The following SATL1 variants were observed in gnomAD, a reference collection of about 807,000 sequenced individuals.
The protein encoded by SATL1 is spermidine/spermine N1-acetyl transferase like 1, also known as spermidine/spermine N(1)-acetyltransferase-like protein 1.
In SATL1, 47 loss-of-function variants were observed where a neutral mutation model predicts 51.8. The observed-to-expected ratio is 0.91, with a 90% confidence interval of 0.72 to 1.16. The LOEUF (loss-of-function observed/expected upper bound fraction) is 1.16. Ranked by LOEUF, SATL1 falls within the 50% of genes most tolerant of loss-of-function variation. The pLI, the probability that SATL1 is intolerant of heterozygous loss-of-function variation, is 0.00. For synonymous variants in SATL1, 176 were observed against 182.4 expected (o/e 0.97, Z 0.28); for missense variants, 520 against 526.4 (o/e 0.99, Z 0.12).
Position 85,235,630 on chromosome X carries a change from T to C in SATL1, c.-435+7958A>G, listed in dbSNP as rs913012021. Among the ~76,000 whole-genome samples, 4 of 111,025 alleles carry C rather than the reference T, an allele frequency of 3.6e-5. No homozygotes were observed. In the Admixed American group the frequency reaches 3.8e-4, roughly 11 times the overall value. The stretch of plus-strand genomic sequence containing the variant: ...ATGAAGAAGGAAACTGAAAAATTTA[T>C]TGAAACAAATGAAAATGGAAACACG... On this transcript the variant is annotated intron_variant, in intron 1 of 7. Transcript: ENST00000644105.
At chrX:85,208,071 G>C (rs970497574) in intron 2 of SATL1, among the ~76,000 whole-genome samples, 3 of 109,078 alleles carry the variant, frequency 2.8e-5, no homozygotes, top group African/African-American at 1.0e-4. Flanking sequence ...CCCCCTAACA[G>C]GCCCCAGTGT....
chrX:85,190,454 T>C (rs952040513), intron 2 of SATL1, among the ~76,000 whole-genome samples: 3 of 111,614 alleles, frequency 2.7e-5, no homozygotes, highest in African/African-American at 9.8e-5. Context: ...TTCCCACTAA[T>C]AGGCAAAATA....
At chrX:85,146,081 A>C (rs2147716888) in intron 2 of SATL1, among the ~76,000 whole-genome samples, 1 of 110,192 alleles carries the variant, frequency 9.1e-6, no homozygotes, top group African/African-American at 3.3e-5. Context: ...TACTTTTAGT[A>C]GAGATGGGGT....
chrX:85,121,970 C>T (rs1358919409), intron 2 of SATL1, among the ~76,000 whole-genome samples: 3 of 108,209 alleles, frequency 2.8e-5, no homozygotes, highest in Non-Finnish European at 3.8e-5. Context: ...TCGTGTTGTA[C>T]ACCATAGATA....
At chrX:85,221,163 T>C (rs1602923352) in intron 2 of SATL1, among the ~76,000 whole-genome samples, 1 of 111,868 alleles carries the variant, frequency 8.9e-6, no homozygotes, top group African/African-American at 3.2e-5. Flanking sequence ...CACAAGGCAC[T>C]CTAAGACCCC....
At chrX:85,162,633 T>C (rs1475400331) in intron 2 of SATL1, among the ~76,000 whole-genome samples, 2 of 111,434 alleles carry the variant, frequency 1.8e-5, no homozygotes, top group Non-Finnish European at 3.8e-5. Flanking sequence ...TCATTGGGAA[T>C]GCTTTCAATT....
chrX:85,103,418 C>A (rs937937978), intron 4 of SATL1, among the ~76,000 whole-genome samples: 1 of 111,977 alleles, frequency 8.9e-6, no homozygotes, highest in Non-Finnish European at 1.9e-5. Context: ...CATCAATAAT[C>A]TTTTCATCTT....
chrX:85,144,927 C>T (rs1926194270), intron 2 of SATL1, among the ~76,000 whole-genome samples: 1 of 110,463 alleles, frequency 9.1e-6, no homozygotes, highest in African/African-American at 3.3e-5. Flanking sequence ...ATCCCAGGTA[C>T]TTGGGGGGCT....
intron 2 of SATL1, among the ~76,000 whole-genome samples, chrX:85,168,343 T>C (rs756235941): frequency 8.1e-5 from 9 of 111,722 alleles, no homozygotes; most frequent in Admixed American, 4.8e-4. Flanking sequence ...AAACTATCCC[T>C]GTTTGCACAC....
intron 1 of SATL1, among the ~76,000 whole-genome samples, chrX:85,225,866 C>T (rs1178937950): frequency 9.0e-6 from 1 of 111,173 alleles, no homozygotes; most frequent in Non-Finnish European, 1.9e-5. Context: ...AGGGAGCTAT[C>T]CCCTGTTCCC....
In SATL1 at chrX:85,108,958, G is replaced by T; in HGVS notation, c.11C>A (p.Ser4Ter). 1 of 1,202,281 alleles carries T rather than the reference G, an allele frequency of 8.3e-7. No individual in the cohort carries two copies. Residue 4 changes from serine to a stop codon, truncating the protein, a stop_gained, in exon 3 of 8, where the codon TCA becomes TAA. Coordinates refer to ENST00000644105, the MANE Select transcript of SATL1 (RefSeq NM_001367857.2). LOFTEE classifies it high-confidence loss of function. ...TGATAAACTTGATTGGTTCGTGCCT[G>T]ATTGGTTCATGCCCAGTTGATTCCT... is the stretch of plus-strand genomic sequence containing the variant. MNQ[S>*]GTNQSSLSDS...
At chrX:85,211,865 T>C (rs1927932275) in intron 2 of SATL1, 1 of 112,011 alleles carries the variant, frequency 8.9e-6, no homozygotes, top group East Asian at 2.8e-4. Context: ...CCTTTATTTG[T>C]CATTTCCAAA....
chrX:85,115,308 A>T (rs1362012097), intron 2 of SATL1, among the ~76,000 whole-genome samples: 2 of 112,686 alleles, frequency 1.8e-5, no homozygotes, highest in Non-Finnish European at 3.7e-5. Flanking sequence ...TCAAAGGGCA[A>T]CAGAGTGAGG....
intron 2 of SATL1, among the ~76,000 whole-genome samples, chrX:85,156,037 T>A (rs1256273625): frequency 2.7e-5 from 3 of 111,517 alleles, no homozygotes; most frequent in African/African-American, 9.7e-5. Context: ...TATAATTAAG[T>A]TGGTAGATAC....
At chrX:85,216,181 C>T (rs1256202642) in intron 2 of SATL1, among the ~76,000 whole-genome samples, 2 of 110,379 alleles carry the variant, frequency 1.8e-5, no homozygotes, top group African/African-American at 6.6e-5. Context: ...AACAGCCAGC[C>T]CTCATGGGAA....
At position 85,119,287 on chromosome X, in the gene SATL1, A is replaced by G. The variant is rs772061598; in HGVS notation, c.-312-10007T>C. 9.9e-5 allele frequency among the ~76,000 whole-genome samples: 11 copies of G among 111,540 alleles called. No homozygotes were observed. In the East Asian group the frequency reaches 1.7e-3, roughly 17 times the overall value. On this transcript the variant is annotated intron_variant, in intron 2 of 7. Coordinates refer to ENST00000644105, the MANE Select transcript of SATL1 (RefSeq NM_001367857.2). Reference sequence around the variant, plus strand: ...TTCATGCCCCCAAATGCACTACCGCAAATACAAGACTGGTGTGTGGTAAGC... The same window carrying G: ...TTCATGCCCCCAAATGCACTACCGCGAATACAAGACTGGTGTGTGGTAAGC...
chrX:85,189,298 T>A (rs1435312184), intron 2 of SATL1, among the ~76,000 whole-genome samples: 2 of 111,737 alleles, frequency 1.8e-5, no homozygotes, highest in Non-Finnish European at 3.8e-5. Flanking sequence ...TACAGGTATG[T>A]GCCACTGTGC....
At chrX:85,233,202 T>C (rs1463440841) in intron 1 of SATL1, among the ~76,000 whole-genome samples, 3 of 111,831 alleles carry the variant, frequency 2.7e-5, no homozygotes, top group African/African-American at 9.8e-5. Context: ...ACCAAGTCAG[T>C]AGAACCACAG....
chrX:85,184,027 G>A (rs1252836807), intron 2 of SATL1, among the ~76,000 whole-genome samples: 1 of 111,640 alleles, frequency 9.0e-6, no homozygotes, highest in Non-Finnish European at 1.9e-5. Flanking sequence ...TCACAAATAA[G>A]TGAGAACATG....
Sources: allele counts gnomAD v4.1 joint callset (sites outside exome capture counted in the v4.1 genomes callset), GRCh38; gene constraint gnomAD v4.1.1; transcripts MANE v1.5; gene names NCBI Gene and HGNC (gene_info 2026-07-23, HGNC 2026-07-21).